NDE1: variants seen among roughly 807,000 people sequenced by gnomAD.
The protein encoded by NDE1 is nuclear distribution protein nudE homolog 1.
In NDE1, 28 loss-of-function variants were observed where a neutral mutation model predicts 43.4. The observed-to-expected ratio is 0.65, with a 90% CI of 0.48 to 0.89. The LOEUF is 0.89. Among genes scored for constraint, NDE1 ranks in the 40% least tolerant of loss-of-function variants. NDE1 has a pLI of 0.00. For missense variants in NDE1, 441 were observed against 434.1 expected (o/e 1.02, Z -0.14); for synonymous variants, 184 against 172.0 (o/e 1.07, Z -0.55).
At chr16:15,663,015 C>G (rs1038706072) in intron 1 of NDE1, among the ~76,000 whole-genome samples, 3 of 152,194 alleles carry the variant, frequency 2.0e-5, no homozygotes, top group Non-Finnish European at 4.4e-5. Flanking sequence ...TCTTCCCTAA[C>G]TTTCTCCAAT....
intron 3 of NDE1, among the ~76,000 whole-genome samples, chr16:15,677,423 T>C (rs967586992): frequency 5.3e-5 from 8 of 151,948 alleles, no homozygotes; most frequent in African/African-American, 1.9e-4. Context: ...CGGTCTCTAC[T>C]AAAAATACAA....
At chr16:15,649,617 C>G (rs2151382894), upstream of NDE1, 1 of 152,536 alleles carries the variant, frequency 6.6e-6, no homozygotes, top group South Asian at 2.1e-4. Context: ...ACCACCGCGC[C>G]AGACCCATAA....
At position 15,717,401 on chromosome 16, in the gene NDE1, G is replaced by A. The variant is rs916757073; in HGVS notation, c.948-6790G>A. 31 of 1,578,012 alleles carry A rather than the reference G, an allele frequency of 2.0e-5. 1 individual carries two copies. Among genetic ancestry groups the A allele is most frequent in the South Asian group, 6.6e-5 (6 of 90,494 alleles). Reference sequence around the variant, plus strand: ...CGGACTCAGGGAAGCCCAAGAGAGCGCACTGAGACCATGCCTCTTCCTGCC... The same window carrying A: ...CGGACTCAGGGAAGCCCAAGAGAGCACACTGAGACCATGCCTCTTCCTGCC... On this transcript the variant is annotated intron_variant, in intron 8 of 8. Coordinates refer to ENST00000396354, the MANE Select transcript of NDE1 (RefSeq NM_017668.3).
At chr16:15,679,114 AAAAG>A (rs2038043019) in intron 4 of NDE1, among the ~76,000 whole-genome samples, 1 of 150,854 alleles carries the variant, frequency 6.6e-6, no homozygotes, top group Admixed American at 6.6e-5. Context: ...AAAAAACAAA[AAAAG>A]CACAGATGTT....
chr16:15,694,996 C>T (rs2038941490), intron 7 of NDE1: 2 of 807,106 alleles, frequency 2.5e-6, no homozygotes, highest in Non-Finnish European at 3.0e-6. Flanking sequence ...CATGGTGAAA[C>T]CCCCTGCCCC....
chr16:15,724,690 G>C lies in NDE1; in HGVS notation c.*439G>C. ...GATGTGGCGCTCCAGGTTCTGCTTG[G>C]CCTCCATCTCCTCGTCCAGCTGGTC... On this transcript the variant is annotated 3_prime_UTR_variant, in exon 9 of 9. Transcript: ENST00000396354. The C allele has an allele frequency of 6.2e-7, 1 of 1,614,150 alleles. No homozygotes were observed. Among genetic ancestry groups the C allele is most frequent in the Non-Finnish European group, 8.5e-7 (1 of 1,180,006 alleles).
chr16:15,707,634 T>TGAGG (rs2039526970), intron 8 of NDE1, among the ~76,000 whole-genome samples: 1 of 152,146 alleles, frequency 6.6e-6, no homozygotes, highest in South Asian at 2.1e-4. Context: ...TGGACACAAA[T>TGAGG]GAGGGTTGGT....
intron 8 of NDE1, chr16:15,721,429 C>T (rs1235117711): frequency 6.2e-7 from 1 of 1,614,020 alleles, no homozygotes; most frequent in Non-Finnish European, 8.5e-7. Context: ...TACGTTCTTG[C>T]CCACGTCATC....
intron 8 of NDE1, chr16:15,701,949 T>G (rs1305748117): frequency 6.6e-6 from 1 of 152,248 alleles, no homozygotes; most frequent in East Asian, 1.9e-4. Flanking sequence ...CAAAGAGGCT[T>G]TGTATGTTTA....
In NDE1 at chr16:15,718,339, G is replaced by T. The variant is rs146043349; in HGVS notation, c.948-5852G>T. 98 of 1,609,092 alleles carry T rather than the reference G, an allele frequency of 6.1e-5. No homozygotes were observed. The African/African-American group carries it at 9.6e-4, about 16-fold the overall frequency. On this transcript the variant is annotated intron_variant, in intron 8 of 8. Coordinates refer to ENST00000396354, the MANE Select transcript of NDE1 (RefSeq NM_017668.3). Reference sequence around the variant, plus strand: ...CCTGCTGTGTGGCTTTGCGGACCCGGTCGCTCATGGCCTCCATGTTGCCCT... The same window carrying T: ...CCTGCTGTGTGGCTTTGCGGACCCGTTCGCTCATGGCCTCCATGTTGCCCT...
intron 8 of NDE1, among the ~76,000 whole-genome samples, chr16:15,709,679 T>C (rs1287024796): frequency 6.6e-6 from 1 of 152,102 alleles, no homozygotes; most frequent in Non-Finnish European, 1.5e-5. Flanking sequence ...CTCCTATAAA[T>C]CCCATGATTG....
chr16:15,648,035 A>AC (rs1017984736), upstream of NDE1, among the ~76,000 whole-genome samples: 8 of 35,094 alleles, frequency 2.3e-4, no homozygotes, highest in South Asian at 1.1e-3. Flanking sequence ...TCTGTCTCAC[A>AC]AAAAAAAAAA....
At chr16:15,655,693 G>A (rs920940619) in intron 1 of NDE1, among the ~76,000 whole-genome samples, 14 of 151,828 alleles carry the variant, frequency 9.2e-5, no homozygotes, top group Non-Finnish European at 1.5e-4. Flanking sequence ...TGTTTATTGC[G>A]GCATTATTCA....
upstream of NDE1, among the ~76,000 whole-genome samples, chr16:15,645,367 A>G (rs2036311578): frequency 6.6e-6 from 1 of 152,180 alleles, no homozygotes; most frequent in Non-Finnish European, 1.5e-5. Context: ...ATGGTGACTC[A>G]TGTCGTAATC....
At chr16:15,702,251 A>G (rs1344840510) in intron 8 of NDE1, 1 of 152,194 alleles carries the variant, frequency 6.6e-6, no homozygotes, top group Non-Finnish European at 1.5e-5. Context: ...AAGCTGAAAG[A>G]AGGACAGGGC....
chr16:15,656,834 C>T (rs890841637), intron 1 of NDE1, among the ~76,000 whole-genome samples: 1 of 152,074 alleles, frequency 6.6e-6, no homozygotes, highest in Non-Finnish European at 1.5e-5. Flanking sequence ...AGCCACAGCA[C>T]CCTGCCAGGC....
At chr16:15,698,025 A>C (rs2039089859) in intron 8 of NDE1, among the ~76,000 whole-genome samples, 1 of 151,570 alleles carries the variant, frequency 6.6e-6, no homozygotes, top group Non-Finnish European at 1.5e-5. Context: ...GATGGTCTTG[A>C]TCTCGTGACA....
chr16:15,699,498 G>A, intron 8 of NDE1: 1 of 1,127,022 alleles, frequency 8.9e-7, no homozygotes, highest in Non-Finnish European at 1.1e-6. Flanking sequence ...CAAACAATAG[G>A]TAAGAGATGG....
intron 8 of NDE1, chr16:15,714,026 C>G (rs1183019667): frequency 6.6e-6 from 1 of 152,260 alleles, no homozygotes; most frequent in East Asian, 1.9e-4. Context: ...ACTGGTTGGC[C>G]CGGTAGAAGC....
Sources: gnomAD v4.1 joint callset for allele counts (sites outside exome capture counted in the v4.1 genomes callset) on GRCh38, gnomAD v4.1.1 for gene constraint, MANE v1.5 for transcripts, NCBI Gene and HGNC (gene_info 2026-07-23, HGNC 2026-07-21) for gene names.